ANXA8: variants seen among roughly 807,000 people sequenced by gnomAD.
ANXA8 encodes the protein annexin A8.
A neutral mutation model predicts 26.8 loss-of-function variants in ANXA8; 9 were observed. That is an observed-to-expected ratio of 0.34 (90% CI 0.20 to 0.59). The LOEUF (loss-of-function observed/expected upper bound fraction) is 0.59, where lower values mean the gene tolerates loss of function less well. Ranked by LOEUF, ANXA8 falls within the 20% of genes least tolerant of loss-of-function variation. The probability of loss-of-function intolerance (pLI) is 0.84; values close to 1 mark genes in which losing one functional copy is unlikely to be tolerated. For missense variants in ANXA8, 83 were observed against 238.5 expected (o/e 0.35, Z 4.29); for synonymous variants, 39 against 94.8 (o/e 0.41, Z 3.42).
the ANXA8 span, among the ~76,000 whole-genome samples, chr10:47,685,300 T>G: frequency 6.7e-6 from 1 of 149,538 alleles, no homozygotes; most frequent in Non-Finnish European, 1.5e-5. Context: ...GAGCTGAGAT[T>G]GTGCCATTGC....
At chr10:47,600,508 T>A in the ANXA8 span, among the ~76,000 whole-genome samples, 4 of 149,260 alleles carry the variant, frequency 2.7e-5, no homozygotes, top group Admixed American at 2.6e-4. Context: ...GAATTCGGAA[T>A]AAGCCCTGCT....
the ANXA8 span, among the ~76,000 whole-genome samples, chr10:47,742,869 G>A: frequency 7.1e-6 from 1 of 141,354 alleles, no homozygotes; most frequent in South Asian, 2.2e-4. Context: ...TAAACTCAAT[G>A]CAACCCCGGG....
the ANXA8 span, among the ~76,000 whole-genome samples, chr10:47,950,980 T>C: frequency 1.9e-4 from 29 of 150,566 alleles, 1 homozygote; most frequent in African/African-American, 6.9e-4. Context: ...CAGAAAACAA[T>C]GTAATAGAAA....
the ANXA8 span, chr10:47,565,731 G>A: frequency 1.5e-4 from 78 of 531,722 alleles, no homozygotes; most frequent in Non-Finnish European, 2.1e-4. Flanking sequence ...CAGCCCCGAG[G>A]GCGTGCAAGG....
At chr10:47,669,928 A>G in the ANXA8 span, among the ~76,000 whole-genome samples, 39 of 152,020 alleles carry the variant, frequency 2.6e-4, no homozygotes, top group East Asian at 9.6e-4. Flanking sequence ...TACATTCACA[A>G]TGTTTTACAG....
At chr10:47,646,960 AT>A in the ANXA8 span, among the ~76,000 whole-genome samples, 32 of 152,254 alleles carry the variant, frequency 2.1e-4, no homozygotes, top group East Asian at 3.7e-3. Context: ...AAACTGCTGT[AT>A]TTTTAGTTTG....
chr10:47,946,341 T>C, the ANXA8 span, among the ~76,000 whole-genome samples: 1 of 150,550 alleles, frequency 6.6e-6, no homozygotes, highest in Non-Finnish European at 1.5e-5. Flanking sequence ...GGCTAATATC[T>C]GCCTCCTCAC....
At chr10:47,681,523 C>CTT in the ANXA8 span, among the ~76,000 whole-genome samples, 1,083 of 81,222 alleles carry the variant, frequency 0.013, 108 homozygotes, top group East Asian at 0.26. Flanking sequence ...TTTATTTTTA[C>CTT]TTTTTTTTTT....
chr10:47,720,154 A>G, the ANXA8 span: 1 of 1,294,696 alleles, frequency 7.7e-7, no homozygotes. Flanking sequence ...AAAAGAATTA[A>G]CTAGAGCTAG....
chr10:47,535,191 C>T, the ANXA8 span, among the ~76,000 whole-genome samples: 1 of 133,746 alleles, frequency 7.5e-6, no homozygotes, highest in African/African-American at 3.3e-5. Flanking sequence ...CCAGGCTGTT[C>T]TCAAACTCCT....
the ANXA8 span, among the ~76,000 whole-genome samples, chr10:47,718,209 GC>G: frequency 3.3e-5 from 5 of 152,170 alleles, no homozygotes; most frequent in Non-Finnish European, 7.4e-5. Context: ...ATTGGCTCAA[GC>G]CTGTAATCCC....
the ANXA8 span, among the ~76,000 whole-genome samples, chr10:47,765,777 T>G: frequency 6.7e-6 from 1 of 150,192 alleles, no homozygotes; most frequent in Non-Finnish European, 1.5e-5. Context: ...TCCCAGCTGT[T>G]GTCTTCCAGG....
the ANXA8 span, chr10:47,590,104 AG>A: frequency 6.8e-6 from 1 of 146,260 alleles, no homozygotes; most frequent in Non-Finnish European, 1.5e-5. Context: ...CAGGAATTTT[AG>A]GTCAAGAGCT....
the ANXA8 span, among the ~76,000 whole-genome samples, chr10:47,680,681 A>G: frequency 2.0e-5 from 3 of 152,088 alleles, no homozygotes; most frequent in Non-Finnish European, 2.9e-5. Context: ...TACAATTACA[A>G]TATGACAGTT....
the ANXA8 span, among the ~76,000 whole-genome samples, chr10:47,657,263 T>C: frequency 2.0e-5 from 3 of 151,732 alleles, no homozygotes; most frequent in Admixed American, 6.6e-5. Context: ...AGGGTCTTGC[T>C]ATGTTGTCCA....
At chr10:47,938,812 C>A in the ANXA8 span, among the ~76,000 whole-genome samples, 3 of 149,248 alleles carry the variant, frequency 2.0e-5, no homozygotes, top group African/African-American at 5.0e-5. Context: ...CGTGAGGATT[C>A]CTCCTCTGGG....
chr10:47,617,632 G>A, the ANXA8 span, among the ~76,000 whole-genome samples: 4 of 147,936 alleles, frequency 2.7e-5, no homozygotes, highest in African/African-American at 1.0e-4. Flanking sequence ...GCCATGTTTT[G>A]TAGCTATCGC....
chr10:47,727,598 G>T, the ANXA8 span, among the ~76,000 whole-genome samples: 1 of 133,538 alleles, frequency 7.5e-6, no homozygotes. Flanking sequence ...GCCTCTTCTG[G>T]TCCTTTACTG....
chr10:47,502,236 G>A, the ANXA8 span: 3 of 1,587,312 alleles, frequency 1.9e-6, no homozygotes, highest in African/African-American at 2.8e-5. Context: ...CCTTGCGGCA[G>A]GCCAGATGGA....
Sources: allele counts gnomAD v4.1 joint callset (sites outside exome capture counted in the v4.1 genomes callset), GRCh38; gene constraint gnomAD v4.1.1; transcripts MANE v1.5; gene names NCBI Gene and HGNC (gene_info 2026-07-23, HGNC 2026-07-21).